The following TRPS1 variants were observed in gnomAD, a reference collection of about 807,000 sequenced individuals.
The protein encoded by TRPS1 is zinc finger transcription factor Trps1.
In TRPS1, 6 loss-of-function variants were observed where a neutral mutation model predicts 101.2. That is an observed-to-expected ratio of 0.06 (90% confidence interval 0.03 to 0.12). The LOEUF (loss-of-function observed/expected upper bound fraction) is 0.12, where lower values mean the gene tolerates loss of function less well. Ranked by LOEUF, TRPS1 falls within the 10% of genes least tolerant of loss-of-function variation. The pLI, the probability that TRPS1 is intolerant of heterozygous loss-of-function variation, is 1.00. For missense variants in TRPS1, 1,363 were observed against 1,567.0 expected (o/e 0.87, Z 2.20); for synonymous variants, 578 against 589.8 (o/e 0.98, Z 0.29).
chr8:115,600,692 G>T (rs982109891), intron 4 of TRPS1, among the ~76,000 whole-genome samples: 4 of 151,876 alleles, frequency 2.6e-5, no homozygotes, highest in African/African-American at 7.3e-5. Flanking sequence ...TTACTTTGTA[G>T]AAGTCTGGCA....
chr8:115,586,092 C>G (rs1395691320), intron 5 of TRPS1, among the ~76,000 whole-genome samples: 1 of 152,186 alleles, frequency 6.6e-6, no homozygotes, highest in Non-Finnish European at 1.5e-5. Context: ...CCAACTGGAT[C>G]TTTTGTAAAG....
intron 6 of TRPS1, among the ~76,000 whole-genome samples, chr8:115,415,290 T>C (rs1265708736): frequency 6.6e-6 from 1 of 152,158 alleles, no homozygotes; most frequent in Non-Finnish European, 1.5e-5. Context: ...TTAAATCATG[T>C]CCATCTTTGC....
chr8:115,468,479 G>A (rs564348270), intron 5 of TRPS1, among the ~76,000 whole-genome samples: 15 of 152,318 alleles, frequency 9.8e-5, no homozygotes, highest in African/African-American at 3.6e-4. Context: ...GGAAAAAGTA[G>A]GCAGTTTCCA....
At position 115,498,370 on chromosome 8, in the gene TRPS1, CCCGTCT is replaced by C. The variant is rs1386817265; in HGVS notation, c.2701-79924_2701-79919del. Among the ~76,000 whole-genome samples, 234 of 48,806 alleles carry C rather than the reference CCCGTCT, an allele frequency of 4.8e-3. 29 individuals carry two copies. The highest frequency in any genetic ancestry group is 0.019 in the East Asian group (15 of 778). The allele number at this position is 48,806 out of a possible 152,430, so 32.0% of individuals were successfully genotyped here. ...TCCAGCCTGGGCAACAAAGAGAGAG[CCCGTCT>C]CTCTCTCTCTCTCTCTCTCTCTCTC... On this transcript the variant is annotated intron_variant, in intron 5 of 6. Coordinates refer to ENST00000395715, the MANE Select transcript of TRPS1 (RefSeq NM_014112.5).
At chr8:115,453,408 T>C (rs1469100171) in intron 5 of TRPS1, among the ~76,000 whole-genome samples, 1 of 152,230 alleles carries the variant, frequency 6.6e-6, no homozygotes, top group East Asian at 1.9e-4. Context: ...AACAAAATTC[T>C]GTCCACAATA....
At chr8:115,501,793 A>T (rs1815326201) in intron 5 of TRPS1, among the ~76,000 whole-genome samples, 1 of 152,096 alleles carries the variant, frequency 6.6e-6, no homozygotes, top group African/African-American at 2.4e-5. Flanking sequence ...GACCTCCTAA[A>T]TTTCTATGAA....
intron 5 of TRPS1, among the ~76,000 whole-genome samples, chr8:115,464,527 T>C (rs776325988): frequency 3.3e-5 from 5 of 152,176 alleles, no homozygotes; most frequent in Admixed American, 6.5e-5. Flanking sequence ...ATTTTTTATA[T>C]CATAGAAAAG....
At chr8:115,544,479 T>C (rs1816526123) in intron 5 of TRPS1, among the ~76,000 whole-genome samples, 1 of 152,108 alleles carries the variant, frequency 6.6e-6, no homozygotes, top group Middle Eastern at 3.4e-3. Flanking sequence ...GCTAGAGCTA[T>C]ACCTAACACC....
chr8:115,543,438 A>AT (rs952513435), intron 5 of TRPS1, among the ~76,000 whole-genome samples: 1 of 151,810 alleles, frequency 6.6e-6, no homozygotes, highest in South Asian at 2.1e-4. Context: ...TTTTTTTTAA[A>AT]TTTTTTTTGC....
intron 4 of TRPS1, among the ~76,000 whole-genome samples, chr8:115,597,411 T>G (rs950118599): frequency 6.6e-6 from 1 of 152,060 alleles, no homozygotes; most frequent in African/African-American, 2.4e-5. Context: ...AGGTCTCATT[T>G]CATTGCACTG....
At chr8:115,556,412 T>A (rs142485114) in intron 5 of TRPS1, among the ~76,000 whole-genome samples, 1 of 152,226 alleles carries the variant, frequency 6.6e-6, no homozygotes, top group East Asian at 1.9e-4. Flanking sequence ...ATATCCTCCA[T>A]CCAAAGACTG....
At position 115,620,851 on chromosome 8, in the gene TRPS1, T is replaced by G. The variant is rs545786608; in HGVS notation, c.38-791A>C. On this transcript the variant is annotated intron_variant, in intron 2 of 6. Transcript: ENST00000395715. ...GCATGCTGGGGAACCTAATAAGCTC[T>G]GGGTGTCCATATGCAGCCTGGTGAA... Among the ~76,000 whole-genome samples the G allele has an allele frequency of 9.8e-5, 15 of 152,330 alleles. No individual in the cohort carries two copies. The East Asian group carries it at 2.9e-3, about 29-fold the overall frequency.
intron 2 of TRPS1, among the ~76,000 whole-genome samples, chr8:115,622,843 T>TAA (rs1818425177): frequency 1.3e-5 from 2 of 152,264 alleles, no homozygotes; most frequent in East Asian, 3.9e-4. Flanking sequence ...TTTATGCCCA[T>TAA]ATGTTAACGC....
At position 115,587,199 on chromosome 8, in the gene TRPS1, T is replaced by C. The variant is rs2130444280; in HGVS notation, c.2502A>G (p.Gln834=). ...TATCCCTTAGAGTCTTTGTCTGCTC[T>C]TGGGTGCCAGACACAGGCGTCAGCA... ...LGLLTPVSGT[Q]EQTKTLRDSP... The change falls in exon 5 of 7, where the codon CAA becomes CAG. Residue 834 remains glutamine (Q), a synonymous_variant. Transcript: ENST00000395715. 7 of 1,614,236 alleles carry C rather than the reference T, an allele frequency of 4.3e-6. No individual in the cohort carries two copies. Among genetic ancestry groups the C allele is most frequent in the Non-Finnish European group, 5.9e-6 (7 of 1,180,030 alleles).
At chr8:115,521,702 C>T (rs1815866946) in intron 5 of TRPS1, among the ~76,000 whole-genome samples, 2 of 151,912 alleles carry the variant, frequency 1.3e-5, no homozygotes, top group African/African-American at 4.8e-5. Flanking sequence ...TTTAAATGTG[C>T]TAATACTTTA....
chr8:115,439,112 G>C (rs1813525698), intron 5 of TRPS1, among the ~76,000 whole-genome samples: 1 of 145,260 alleles, frequency 6.9e-6, no homozygotes, highest in Admixed American at 6.9e-5. Flanking sequence ...AGTGCAGTGG[G>C]GCTGGGAGTT....
At chr8:115,517,688 A>G (rs1815750846) in intron 5 of TRPS1, among the ~76,000 whole-genome samples, 1 of 151,764 alleles carries the variant, frequency 6.6e-6, no homozygotes, top group Non-Finnish European at 1.5e-5. Context: ...CATAGTTGGC[A>G]TCCTACCCAT....
At chr8:115,525,378 G>A (rs138469971) in intron 5 of TRPS1, among the ~76,000 whole-genome samples, 75 of 152,192 alleles carry the variant, frequency 4.9e-4, no homozygotes, top group Non-Finnish European at 7.9e-4. Context: ...AGAAGAAGCT[G>A]TATTCTATCT....
intron 1 of TRPS1, among the ~76,000 whole-genome samples, chr8:115,631,582 T>C (rs1436720857): frequency 2.0e-5 from 3 of 152,108 alleles, no homozygotes; most frequent in Admixed American, 2.0e-4. Flanking sequence ...TAACATGCCC[T>C]TCCTCACAGT....
Sources: gnomAD v4.1 joint callset for allele counts (sites outside exome capture counted in the v4.1 genomes callset) on GRCh38, gnomAD v4.1.1 for gene constraint, MANE v1.5 for transcripts, NCBI Gene and HGNC (gene_info 2026-07-23, HGNC 2026-07-21) for gene names.